Variants in SKAP1 observed in about 807,000 individuals in gnomAD.
SKAP1 encodes src kinase associated phosphoprotein 1, also known as src kinase-associated phosphoprotein 1.
In SKAP1, 44 loss-of-function variants were observed where a neutral mutation model predicts 58.5. The ratio of observed to expected loss-of-function variants is 0.75; its 90% CI spans 0.59 to 0.97. The LOEUF is 0.97. SKAP1 is among the 50% of genes least tolerant of loss of function. The pLI, the probability that SKAP1 is intolerant of heterozygous loss-of-function variation, is 0.00. For missense variants in SKAP1, 390 were observed against 435.2 expected (o/e 0.90, Z 0.92); for synonymous variants, 127 against 149.7 (o/e 0.85, Z 1.11).
chr17:48,236,744 G>T (rs1053982900), intron 4 of SKAP1, among the ~76,000 whole-genome samples: 2 of 152,188 alleles, frequency 1.3e-5, no homozygotes, highest in African/African-American at 4.8e-5. Context: ...AAAGAGAAAA[G>T]TATCTGCTAA....
chr17:48,183,382 G>A (rs751347967), intron 7 of SKAP1, among the ~76,000 whole-genome samples: 4 of 152,138 alleles, frequency 2.6e-5, no homozygotes, highest in Non-Finnish European at 1.5e-5. Flanking sequence ...AGTAAATAAA[G>A]TACATTCTGA....
At chr17:48,311,066 G>A (rs1209226512) in intron 4 of SKAP1, among the ~76,000 whole-genome samples, 1 of 152,040 alleles carries the variant, frequency 6.6e-6, no homozygotes, top group Non-Finnish European at 1.5e-5. Flanking sequence ...AAATGCATGT[G>A]CACGGTCAGG....
intron 4 of SKAP1, among the ~76,000 whole-genome samples, chr17:48,255,681 T>C (rs924372869): frequency 2.6e-5 from 4 of 152,010 alleles, no homozygotes; most frequent in African/African-American, 9.7e-5. Context: ...TTTACAATCA[T>C]CCCACAATAT....
In SKAP1 at chr17:48,250,321, G is replaced by A. The variant is rs569740716; in HGVS notation, c.281-60821C>T. ...TTTTGAGATGGAGTTTCACTCTGTC[G>A]CCCAGGCTGGAGCGCAGTGGCATGA... is the stretch of plus-strand genomic sequence containing the variant. On this transcript the variant is annotated intron_variant, in intron 4 of 12. Coordinates refer to ENST00000336915, the MANE Select transcript of SKAP1 (RefSeq NM_003726.4). Among the ~76,000 whole-genome samples the A allele has an allele frequency of 4.1e-4, 47 of 113,416 alleles. 1 individual carries two copies. Among genetic ancestry groups the A allele is most frequent in the Admixed American group, 2.4e-3 (20 of 8,224 alleles). 74.4% of individuals were successfully genotyped at this position (113,416 alleles called of 152,430 possible).
At chr17:48,180,323 G>T in intron 8 of SKAP1, 75 bp from the exon 9 acceptor site, 3 of 1,104,178 alleles carry the variant, frequency 2.7e-6, no homozygotes, top group Non-Finnish European at 2.5e-6. Flanking sequence ...AGAGGGAGAA[G>T]GAGGAGGAGG....
intron 10 of SKAP1, among the ~76,000 whole-genome samples, chr17:48,168,100 C>T (rs1208530282): frequency 2.6e-5 from 4 of 152,168 alleles, no homozygotes; most frequent in Non-Finnish European, 5.9e-5. Context: ...AAAGAAATTA[C>T]ATCTTACAGG....
intron 4 of SKAP1, among the ~76,000 whole-genome samples, chr17:48,220,303 G>A (rs903339198): frequency 3.9e-5 from 6 of 152,014 alleles, no homozygotes; most frequent in African/African-American, 1.4e-4. Flanking sequence ...AAAACCATAC[G>A]TTTACCTACC....
intron 4 of SKAP1, among the ~76,000 whole-genome samples, chr17:48,274,395 C>A (rs896311160): frequency 3.0e-4 from 44 of 147,016 alleles, no homozygotes; most frequent in African/African-American, 9.5e-4. Context: ...GACTCTGCAT[C>A]AAAAAAAAAA....
intron 1 of SKAP1, among the ~76,000 whole-genome samples, chr17:48,426,786 T>C (rs1013917258): frequency 5.3e-5 from 8 of 152,160 alleles, no homozygotes; most frequent in African/African-American, 1.9e-4. Context: ...AAAGAAGCTA[T>C]TTCCTGAGTT....
At chr17:48,221,028 G>A (rs1457984331) in intron 4 of SKAP1, among the ~76,000 whole-genome samples, 2 of 151,936 alleles carry the variant, frequency 1.3e-5, no homozygotes, top group East Asian at 1.9e-4. Flanking sequence ...CAGTACTTTC[G>A]GAGGCCAAGG....
chr17:48,292,769 A>T (rs988977462), intron 4 of SKAP1, among the ~76,000 whole-genome samples: 1 of 152,214 alleles, frequency 6.6e-6, no homozygotes, highest in Non-Finnish European at 1.5e-5. Context: ...TTAAAGGCAG[A>T]ATTACTCTTA....
At chr17:48,199,973 C>T (rs1216851846) in intron 4 of SKAP1, among the ~76,000 whole-genome samples, 2 of 151,948 alleles carry the variant, frequency 1.3e-5, no homozygotes, top group Non-Finnish European at 2.9e-5. Context: ...TGGCAATTGT[C>T]TAGGTAAGAA....
intron 2 of SKAP1, among the ~76,000 whole-genome samples, chr17:48,368,440 C>T (rs2067038830): frequency 6.6e-6 from 1 of 152,158 alleles, no homozygotes; most frequent in South Asian, 2.1e-4. Flanking sequence ...ACAAAGACCA[C>T]AATAGAAGTA....
chr17:48,398,532 C>T lies in SKAP1; in HGVS notation c.47-1747G>A, dbSNP rs142350674. On this transcript the variant is annotated intron_variant, in intron 1 of 12. Coordinates refer to ENST00000336915, the MANE Select transcript of SKAP1 (RefSeq NM_003726.4). Reference sequence around the variant, plus strand: ...TCTTTAATCATCGCCAAACCATCCCCCCACCCCCGGTCCATGGAAAAATTG... The same window carrying T: ...TCTTTAATCATCGCCAAACCATCCCTCCACCCCCGGTCCATGGAAAAATTG... Among the ~76,000 whole-genome samples the T allele has an allele frequency of 2.7e-4, 41 of 152,186 alleles. 1 individual carries two copies. In the East Asian group the frequency reaches 7.3e-3, roughly 27 times the overall value.
chr17:48,234,093 T>TGGC (rs1193855020), intron 4 of SKAP1, among the ~76,000 whole-genome samples: 17 of 152,246 alleles, frequency 1.1e-4, no homozygotes, highest in African/African-American at 4.1e-4. Context: ...TTATTTATGC[T>TGGC]TTAATGCCTT....
At chr17:48,191,655 C>T (rs1453829484) in intron 4 of SKAP1, among the ~76,000 whole-genome samples, 2 of 152,144 alleles carry the variant, frequency 1.3e-5, no homozygotes, top group African/African-American at 4.8e-5. Context: ...AAAGCTGTTT[C>T]AAGCTTAGTT....
rs1026957705 is a variant in SKAP1, at chr17:48,216,610, G to A, written c.281-27110C>T. Among the ~76,000 whole-genome samples the A allele has an allele frequency of 5.3e-5, 8 of 151,906 alleles. No homozygotes were observed. The East Asian group carries it at 1.4e-3, about 26-fold the overall frequency. ...GGGATCAAGGGATCCTCTCACCTCA[G>A]CCTCCAGAGTAGCTGCGACTACAGG... On this transcript the variant is annotated intron_variant, in intron 4 of 12. Coordinates refer to ENST00000336915, the MANE Select transcript of SKAP1 (RefSeq NM_003726.4).
chr17:48,401,842 C>G (rs994309162), intron 1 of SKAP1, among the ~76,000 whole-genome samples: 7 of 152,070 alleles, frequency 4.6e-5, no homozygotes, highest in Admixed American at 4.6e-4. Flanking sequence ...GGATAACCCA[C>G]AGAATGAGAG....
chr17:48,335,252 C>A (rs550452040), intron 4 of SKAP1, among the ~76,000 whole-genome samples: 1 of 151,880 alleles, frequency 6.6e-6, no homozygotes, highest in African/African-American at 2.4e-5. Context: ...AGGCAATCTA[C>A]CTTAACCATT....
Sources: gnomAD v4.1 joint callset for allele counts (sites outside exome capture counted in the v4.1 genomes callset) on GRCh38, gnomAD v4.1.1 for gene constraint, MANE v1.5 for transcripts, NCBI Gene and HGNC (gene_info 2026-07-23, HGNC 2026-07-21) for gene names.